The following IGF1R variants were observed in gnomAD, a reference collection of about 807,000 sequenced individuals.
IGF1R encodes the protein insulin-like growth factor 1 receptor.
Under a neutral mutation model 144.6 loss-of-function variants are expected in IGF1R, and 44 were observed. The observed-to-expected ratio is 0.30, with a 90% CI of 0.24 to 0.39. The LOEUF is 0.39. IGF1R is among the 10% of genes least tolerant of loss of function. The pLI is 1.00. For synonymous variants in IGF1R, 795 were observed against 722.8 expected, an observed-to-expected ratio of 1.10 and a Z score of -1.60; for missense variants, 1,355 against 1,833.7, an observed-to-expected ratio of 0.74 and a Z score of 4.77.
In IGF1R at chr15:98,655,644, T is replaced by TA. The variant is rs532301174; in HGVS notation, c.94+5980dup. Among the ~76,000 whole-genome samples, 575 of 147,378 alleles carry TA rather than the reference T, an allele frequency of 3.9e-3. 1 individual carries two copies. The highest frequency in any genetic ancestry group is 0.011 in the African/African-American group (464 of 40,402). ...CTATAGATGTTACTGCCATGTTTAT[T>TA]AAAAAAAAAAATAAAACGAAACAAA... On this transcript the variant is annotated intron_variant, in intron 1 of 20. Coordinates refer to ENST00000650285, the MANE Select transcript of IGF1R (RefSeq NM_000875.5).
chr15:98,741,005 C>A (rs994006032), intron 2 of IGF1R, among the ~76,000 whole-genome samples: 2 of 152,104 alleles, frequency 1.3e-5, no homozygotes, highest in South Asian at 2.1e-4. Flanking sequence ...AAAAAAAATT[C>A]TTTCTGAATA....
intron 3 of IGF1R, among the ~76,000 whole-genome samples, chr15:98,894,732 T>G (rs535448046): frequency 2.6e-5 from 4 of 152,256 alleles, no homozygotes; most frequent in African/African-American, 9.6e-5. Context: ...GGTGAAACCG[T>G]GTCTCTACTA....
intron 2 of IGF1R, among the ~76,000 whole-genome samples, chr15:98,753,481 C>T (rs2141338919): frequency 6.7e-6 from 1 of 149,116 alleles, no homozygotes; most frequent in African/African-American, 2.5e-5. Context: ...GATCCACCTG[C>T]CTTGGCTTCT....
Position 98,719,397 on chromosome 15 carries a change from C to G in IGF1R, c.640+11290C>G, listed in dbSNP as rs529079676. On this transcript the variant is annotated intron_variant, in intron 2 of 20. Transcript: ENST00000650285. ...CCAGTAGTCCTTTATGAATGGAATT[C>G]TGAGAATGTATAATTTTCTCAGAAG... is the stretch of plus-strand genomic sequence containing the variant. Among the ~76,000 whole-genome samples, 5 of 152,252 alleles carry G rather than the reference C, an allele frequency of 3.3e-5. No homozygotes were observed. The South Asian group carries it at 1.0e-3, about 32-fold the overall frequency.
chr15:98,679,105 C>A (rs902953529), intron 1 of IGF1R, among the ~76,000 whole-genome samples: 1 of 152,006 alleles, frequency 6.6e-6, no homozygotes, highest in Non-Finnish European at 1.5e-5. Flanking sequence ...CAGAGTCTCG[C>A]TATGTTCCCA....
At chr15:98,915,835 T>C (rs1035050840) in intron 8 of IGF1R, 129 bp from the exon 9 acceptor site, 34 of 851,310 alleles carry the variant, frequency 4.0e-5, no homozygotes, top group Non-Finnish European at 6.7e-5. Context: ...TCACTTTGTA[T>C]TTCATTGTTC....
At chr15:98,684,683 C>G (rs1054783900) in intron 1 of IGF1R, among the ~76,000 whole-genome samples, 17 of 152,102 alleles carry the variant, frequency 1.1e-4, no homozygotes, top group African/African-American at 3.9e-4. Flanking sequence ...AATTTGGCCA[C>G]TGGGTTGCTG....
chr15:98,703,900 A>G (rs1170337101), intron 1 of IGF1R, among the ~76,000 whole-genome samples: 2 of 152,238 alleles, frequency 1.3e-5, no homozygotes. Flanking sequence ...ATACAGGTTG[A>G]GCCTGTCTAA....
At chr15:98,931,872 A>T (rs1425406356) in intron 15 of IGF1R, among the ~76,000 whole-genome samples, 1 of 152,176 alleles carries the variant, frequency 6.6e-6, no homozygotes, top group East Asian at 1.9e-4. Flanking sequence ...AAGAAGATAG[A>T]TATGCATTGT....
intron 2 of IGF1R, among the ~76,000 whole-genome samples, chr15:98,765,235 C>G (rs1341006663): frequency 6.6e-6 from 1 of 151,354 alleles, no homozygotes; most frequent in Non-Finnish European, 1.5e-5. Flanking sequence ...CTTCAGACAC[C>G]TCAATCTTTG....
Position 98,891,671 on chromosome 15 carries a change from C to T in IGF1R, c.953+34C>T, listed in dbSNP as rs778482528. ...CGGCCACACGTGTGGTCACTACCCG[C>T]CCCACCTCACCCGCCACCCTAGCAC... On this transcript the variant is annotated intron_variant, in intron 3 of 20. Coordinates refer to ENST00000650285, the MANE Select transcript of IGF1R (RefSeq NM_000875.5). This position sits in a 1 kb window ranked among gnomAD's most constrained non-coding sequence, Gnocchi z 4.7. The T allele has an allele frequency of 1.3e-5, 21 of 1,580,540 alleles. No homozygotes were observed. The South Asian group carries it at 2.2e-4, about 17-fold the overall frequency.
At chr15:98,860,608 A>G (rs1413729481) in intron 2 of IGF1R, among the ~76,000 whole-genome samples, 1 of 152,214 alleles carries the variant, frequency 6.6e-6, no homozygotes, top group Non-Finnish European at 1.5e-5. Flanking sequence ...GACATCAGCG[A>G]GCATAAATTG....
At chr15:98,876,132 A>G (rs1437311548) in intron 2 of IGF1R, among the ~76,000 whole-genome samples, 1 of 152,076 alleles carries the variant, frequency 6.6e-6, no homozygotes, top group Non-Finnish European at 1.5e-5. Flanking sequence ...TCAAATAAGA[A>G]TTTACTCCCA....
chr15:98,781,730 C>T (rs972996859), intron 2 of IGF1R, among the ~76,000 whole-genome samples: 1 of 152,206 alleles, frequency 6.6e-6, no homozygotes, highest in Non-Finnish European at 1.5e-5. Context: ...TTTGCATATG[C>T]ATGTCACATG....
chr15:98,908,580 G>C, intron 5 of IGF1R, 105 bp from the exon 6 acceptor site: 1 of 770,768 alleles, frequency 1.3e-6, no homozygotes, highest in East Asian at 2.7e-5. Flanking sequence ...CAAAGGAAAT[G>C]TATTGTGGAG....
chr15:98,687,678 C>G (rs2053364225), intron 1 of IGF1R, among the ~76,000 whole-genome samples: 1 of 152,134 alleles, frequency 6.6e-6, no homozygotes, highest in Non-Finnish European at 1.5e-5. Flanking sequence ...TGTGTGGTAA[C>G]CAGGGGAGAG....
intron 2 of IGF1R, among the ~76,000 whole-genome samples, chr15:98,787,207 C>G (rs1827269381): frequency 6.6e-6 from 1 of 152,170 alleles, no homozygotes; most frequent in South Asian, 2.1e-4. Context: ...GCACACCTGT[C>G]TCTGTTTTTG....
At chr15:98,868,150 G>C (rs908518592) in intron 2 of IGF1R, among the ~76,000 whole-genome samples, 3 of 151,950 alleles carry the variant, frequency 2.0e-5, no homozygotes, top group Admixed American at 6.6e-5. Flanking sequence ...TTTCACCACT[G>C]CACTCCAGCT....
chr15:98,814,797 A>G (rs896768207), intron 2 of IGF1R, among the ~76,000 whole-genome samples: 1 of 152,068 alleles, frequency 6.6e-6, no homozygotes. Flanking sequence ...GGGAGAAGAA[A>G]TTGTATCTGA....
Sources: gnomAD v4.1 joint callset for allele counts (sites outside exome capture counted in the v4.1 genomes callset) on GRCh38, gnomAD v4.1.1 for gene constraint, Gnocchi (gnomAD v3.1) non-coding constraint, MANE v1.5 for transcripts, NCBI Gene and HGNC (gene_info 2026-07-23, HGNC 2026-07-21) for gene names.